ACBD5: variants seen among roughly 807,000 people sequenced by gnomAD.
The protein encoded by ACBD5 is acyl-CoA-binding domain-containing protein 5.
ACBD5 carries 40 observed loss-of-function variants against 71.8 expected under a neutral mutation model. The ratio of observed to expected loss-of-function variants is 0.56; its 90% CI spans 0.43 to 0.72. ACBD5 has a LOEUF of 0.72. Ranked by LOEUF, ACBD5 falls within the 30% of genes least tolerant of loss-of-function variation. The pLI is 0.00. For synonymous variants in ACBD5, 229 were observed against 218.6 expected, an observed-to-expected ratio of 1.05 and a Z score of -0.42; for missense variants, 559 against 644.5, an observed-to-expected ratio of 0.87 and a Z score of 1.44.
Position 27,210,993 on chromosome 10 carries a change from C to T in ACBD5, c.1025G>A (p.Arg342His), listed in dbSNP as rs751802868. 8.7e-6 allele frequency: 14 copies of T among 1,613,938 alleles called. No homozygotes were observed. The highest frequency in any genetic ancestry group is 1.6e-4 in the Middle Eastern group (1 of 6,084). The stretch of plus-strand genomic sequence containing the variant: ...TCCAGGAGGTACTTGAATATCTTCA[C>T]GAAATCCAGAATTTTCCATGGGTTG... ...SSQPMENSGF[R>H]EDIQVPPGNG... is the part of the protein sequence containing the mutation. The change falls in exon 9 of 13, where the codon CGT (arginine) becomes CAT (histidine). Residue 342 changes from arginine to histidine, a missense_variant. Coordinates refer to ENST00000396271, the MANE Select transcript of ACBD5 (RefSeq NM_145698.5).
At chr10:27,202,067 T>C (rs1467505101) in intron 12 of ACBD5, among the ~76,000 whole-genome samples, 4 of 152,142 alleles carry the variant, frequency 2.6e-5, no homozygotes, top group Non-Finnish European at 5.9e-5. Context: ...CCCATCCTAA[T>C]CAGATTTCTA....
rs549609528 is a variant in ACBD5 at position 27,215,108 on chromosome 10, G to A, written c.936+427C>T. ...GAACCTAGGAGGCGGAGGTTGCAGT[G>A]ACCCGAGATTGCGCCACTGCACTCC... On this transcript the variant is annotated intron_variant, in intron 8 of 12. Coordinates refer to ENST00000396271, the MANE Select transcript of ACBD5 (RefSeq NM_145698.5). 6.6e-5 allele frequency among the ~76,000 whole-genome samples: 10 copies of A among 152,200 alleles called. No homozygotes were observed. In the South Asian group the frequency reaches 2.1e-3, roughly 32 times the overall value.
At chr10:27,184,994 A>G (rs2058587171) in intron 13 of ACBD5, among the ~76,000 whole-genome samples, 3 of 152,246 alleles carry the variant, frequency 2.0e-5, no homozygotes, top group Admixed American at 2.0e-4. Context: ...CTTCCAATGT[A>G]GCCATAAGCT....
At position 27,197,187 on chromosome 10, in the gene ACBD5, T is replaced by C. The variant is rs1166696798; in HGVS notation, c.*243A>G. 1.7e-6 allele frequency: 1 copy of C among 597,738 alleles called. No homozygotes were observed. Among genetic ancestry groups the C allele is most frequent in the Non-Finnish European group, 3.0e-6 (1 of 327,870 alleles). 37.0% of individuals were successfully genotyped at this position (597,738 alleles called of 1,614,324 possible). The stretch of plus-strand genomic sequence containing the variant: ...TTCAAGTTCAAGGGCAGGGTAAATC[T>C]GTGTATACTACTTATAACCTAGTAG... On this transcript the variant is annotated 3_prime_UTR_variant, in exon 13 of 13. Transcript: ENST00000396271.
chr10:27,201,330 C>A (rs1053096285), intron 12 of ACBD5, among the ~76,000 whole-genome samples: 2 of 152,166 alleles, frequency 1.3e-5, no homozygotes, highest in Non-Finnish European at 2.9e-5. Flanking sequence ...TATTTCTGAA[C>A]AAGAAGTCTG....
In ACBD5 at chr10:27,196,317, T is replaced by C. The variant is rs867955106; in HGVS notation, c.*1113A>G. On this transcript the variant is annotated 3_prime_UTR_variant, in exon 13 of 13. Coordinates refer to ENST00000396271, the MANE Select transcript of ACBD5 (RefSeq NM_145698.5). ...CAGGAAAAGTCTCCAAGGATCTAAA[T>C]TGTAGTCTTCTTTTTGGTCTAGATG... 9 of 454,002 alleles carry C rather than the reference T, an allele frequency of 2.0e-5. No homozygotes were observed. The highest frequency in any genetic ancestry group is 3.1e-5 in the Non-Finnish European group (7 of 226,796). 28.1% of individuals were successfully genotyped at this position (454,002 alleles called of 1,614,324 possible).
chr10:27,198,806 G>A (rs1003837056), intron 12 of ACBD5, among the ~76,000 whole-genome samples: 1 of 152,094 alleles, frequency 6.6e-6, no homozygotes, highest in Non-Finnish European at 1.5e-5. Context: ...ACAATCCTTT[G>A]CAGATTTATA....
In ACBD5 at chr10:27,196,150, A is replaced by G. The variant is rs2059365247; in HGVS notation, c.*1280T>C. On this transcript the variant is annotated 3_prime_UTR_variant, in exon 13 of 13. Coordinates refer to ENST00000396271, the MANE Select transcript of ACBD5 (RefSeq NM_145698.5). ...AGGAGGTGGAAGTTGCAGTGAGCCA[A>G]GATCACGCCATTGCCCTCCAGCCTG... 2.2e-6 allele frequency: 1 copy of G among 453,128 alleles called. No homozygotes were observed. The highest frequency in any genetic ancestry group is 2.0e-5 in the African/African-American group (1 of 49,880). 28.1% of individuals were successfully genotyped at this position (453,128 alleles called of 1,614,324 possible).
At chr10:27,233,357 G>A (rs1421287273) in intron 3 of ACBD5, among the ~76,000 whole-genome samples, 1 of 151,686 alleles carries the variant, frequency 6.6e-6, no homozygotes, top group East Asian at 1.9e-4. Context: ...AACTTGGGAG[G>A]CGGAGATTCA....
At chr10:27,213,174 T>C (rs184616494) in intron 8 of ACBD5, among the ~76,000 whole-genome samples, 1 of 152,284 alleles carries the variant, frequency 6.6e-6, no homozygotes, top group East Asian at 1.9e-4. Context: ...GAAAAAAATC[T>C]AATAACCTGA....
rs1170338712 is a variant in ACBD5, at chr10:27,223,321, A to C, written c.490+17T>G. The C allele has an allele frequency of 6.4e-7, 1 of 1,555,092 alleles. No homozygotes were observed. Among genetic ancestry groups the C allele is most frequent in the Admixed American group, 1.7e-5 (1 of 59,918 alleles). On this transcript the variant is annotated intron_variant, in intron 5 of 12. Coordinates refer to ENST00000396271, the MANE Select transcript of ACBD5 (RefSeq NM_145698.5). ...TATATCAGTTGATGAATTTAAAAAT[A>C]GGTAAAATAGTCCAACCTGAGGTTA... is the stretch of plus-strand genomic sequence containing the variant.
chr10:27,217,145 C>CAAAAAAAA (rs375519969), intron 7 of ACBD5, among the ~76,000 whole-genome samples: 1 of 83,236 alleles, frequency 1.2e-5, no homozygotes. Flanking sequence ...GACTCTGTCT[C>CAAAAAAAA]AAAAAAAAAA....
At chr10:27,193,076 C>T (rs2059144791), downstream of ACBD5, among the ~76,000 whole-genome samples, 1 of 143,040 alleles carries the variant, frequency 7.0e-6, no homozygotes, top group South Asian at 2.5e-4. Context: ...CTTCCTTCCT[C>T]CCTCCCTCCC....
At chr10:27,205,364 G>A in intron 10 of ACBD5, 116 bp from the exon 11 acceptor site, 2 of 1,014,498 alleles carry the variant, frequency 2.0e-6, no homozygotes, top group Non-Finnish European at 3.1e-6. Flanking sequence ...GGTTGCTTTT[G>A]TTTTCTTTAT....
chr10:27,183,792 A>T (rs1434097082), intron 13 of ACBD5, among the ~76,000 whole-genome samples: 3 of 151,950 alleles, frequency 2.0e-5, no homozygotes, highest in African/African-American at 7.3e-5. Flanking sequence ...ATCTCGGCTC[A>T]CTGCAACTTT....
At chr10:27,219,677 T>G in intron 6 of ACBD5, 46 bp downstream of exon 6, 1 of 1,609,904 alleles carries the variant, frequency 6.2e-7, no homozygotes, top group Non-Finnish European at 8.5e-7. Flanking sequence ...TCATACCCTC[T>G]TAGTTTATTT....
chr10:27,213,586 C>T (rs911353648), intron 8 of ACBD5, among the ~76,000 whole-genome samples: 1 of 152,016 alleles, frequency 6.6e-6, no homozygotes, highest in Non-Finnish European at 1.5e-5. Flanking sequence ...GGAGAAACCC[C>T]GTCTCTACTG....
At chr10:27,205,174 T>C (rs200883020) in intron 11 of ACBD5, 24 bp downstream of exon 11, 58 of 1,605,684 alleles carry the variant, frequency 3.6e-5, no homozygotes, top group Non-Finnish European at 4.9e-5. Flanking sequence ...CCCTGGCATT[T>C]AAATTTTTTA....
chr10:27,212,588 T>TTTC (rs1554839384), intron 8 of ACBD5, among the ~76,000 whole-genome samples: 1 of 151,452 alleles, frequency 6.6e-6, no homozygotes, highest in Non-Finnish European at 1.5e-5. Context: ...GCTTTTTTTT[T>TTTC]TTTTTTTTGA....
Sources: allele counts gnomAD v4.1 joint callset (sites outside exome capture counted in the v4.1 genomes callset), GRCh38; gene constraint gnomAD v4.1.1; transcripts MANE v1.5; gene names NCBI Gene and HGNC (gene_info 2026-07-23, HGNC 2026-07-21).